Variants in KIF1B observed in about 807,000 individuals in gnomAD.
KIF1B encodes kinesin family member 1B.
A neutral mutation model predicts 241.9 loss-of-function variants in KIF1B; 76 were observed. The observed-to-expected ratio is 0.31, with a 90% CI of 0.26 to 0.38. The LOEUF is 0.38. Ranked by LOEUF, KIF1B falls within the 10% of genes least tolerant of loss-of-function variation. KIF1B has a pLI of 1.00. For missense variants in KIF1B, 1,622 were observed against 2,271.4 expected (o/e 0.71, Z 5.81); for synonymous variants, 750 against 796.7 (o/e 0.94, Z 0.99).
Position 10,323,997 on chromosome 1 carries a change from G to A in KIF1B, c.2472G>A (p.Val824=), listed in dbSNP as rs2102299017. The A allele has an allele frequency of 6.2e-7, 1 of 1,614,160 alleles. No homozygotes were observed. The change falls in exon 25 of 49, where the codon GTG becomes GTA. Residue 824 remains valine (V), a synonymous_variant. Transcript: ENST00000676179. ...THEDRPFPRT[V]VAVEVQDLKN... ...AGGACAGGCCTTTCCCTCGCACAGT[G>A]GTAGCAGTAGAAGTCCAGGATTTGA...
chr1:10,305,564 T>C, intron 22 of KIF1B: 2 of 1,059,546 alleles, frequency 1.9e-6, no homozygotes, highest in Non-Finnish European at 2.3e-6. Context: ...TCTGTGGTGC[T>C]GCTTTTTTCC....
intron 38 of KIF1B, among the ~76,000 whole-genome samples, chr1:10,356,730 T>A (rs943652092): frequency 6.6e-6 from 1 of 151,926 alleles, no homozygotes; most frequent in Non-Finnish European, 1.5e-5. Flanking sequence ...TGAAGCCCCA[T>A]GTCTACTAAA....
chr1:10,219,930 C>T (rs1284382608), intron 1 of KIF1B, among the ~76,000 whole-genome samples: 3 of 149,330 alleles, frequency 2.0e-5, no homozygotes, highest in African/African-American at 4.9e-5. Context: ...TGGATGGGCG[C>T]GGTGGTTCAT....
At chr1:10,308,467 CT>C in intron 22 of KIF1B, 1 of 1,037,826 alleles carries the variant, frequency 9.6e-7, no homozygotes, top group Non-Finnish European at 1.2e-6. Flanking sequence ...CTCTCAATTT[CT>C]TAAACAACAA....
chr1:10,289,760 T>C (rs1368058349), intron 15 of KIF1B, among the ~76,000 whole-genome samples: 1 of 152,122 alleles, frequency 6.6e-6, no homozygotes, highest in Non-Finnish European at 1.5e-5. Context: ...GGTGTGCACC[T>C]GCAGTGCCAG....
intron 38 of KIF1B, chr1:10,355,497 G>A (rs1652944338): frequency 6.6e-6 from 1 of 152,526 alleles, no homozygotes; most frequent in Non-Finnish European, 1.5e-5. Flanking sequence ...CCCTCCCCAT[G>A]TAAACCTACT....
intron 34 of KIF1B, among the ~76,000 whole-genome samples, chr1:10,344,094 TGAGAGAAA>T (rs1210496461): frequency 9.9e-5 from 15 of 152,168 alleles, no homozygotes; most frequent in African/African-American, 3.4e-4. Context: ...CTTCAGACCA[TGAGAGAAA>T]GATTGAGCTG....
chr1:10,332,017 C>T (rs1028867849), intron 27 of KIF1B, among the ~76,000 whole-genome samples: 4 of 152,138 alleles, frequency 2.6e-5, no homozygotes, highest in African/African-American at 9.7e-5. Context: ...GGAGCAAACG[C>T]AAACCTTTTA....
rs535803033 is a variant in KIF1B, at chr1:10,251,867, C to T, written c.107-4380C>T. ...CCATGTTTTTGAGCGGTGAGGACTA[C>T]CTCAGAGGGCATGCCTTGTGTCATC... On this transcript the variant is annotated intron_variant, in intron 2 of 48. Coordinates refer to ENST00000676179, the MANE Select transcript of KIF1B (RefSeq NM_001365951.3). 4.3e-4 allele frequency among the ~76,000 whole-genome samples: 66 copies of T among 152,088 alleles called. 1 individual carries two copies. The highest frequency in any genetic ancestry group is 1.5e-3 in the African/African-American group (62 of 41,492).
intron 4 of KIF1B, among the ~76,000 whole-genome samples, chr1:10,261,654 A>C (rs967430535): frequency 6.6e-6 from 1 of 152,232 alleles, no homozygotes; most frequent in African/African-American, 2.4e-5. Flanking sequence ...ACTAGGTGAC[A>C]GGAATTTTCC....
intron 27 of KIF1B, among the ~76,000 whole-genome samples, chr1:10,333,833 A>G (rs190116365): frequency 6.6e-6 from 1 of 152,050 alleles, no homozygotes; most frequent in African/African-American, 2.4e-5. Context: ...AATGAAACAA[A>G]ACCTCTTTAT....
chr1:10,324,997 G>A lies in KIF1B; in HGVS notation c.2675+102G>A, dbSNP rs546996236. 6.8e-6 allele frequency: 9 copies of A among 1,319,138 alleles called. No homozygotes were observed. The South Asian group carries it at 7.2e-5, about 11-fold the overall frequency. 81.7% of individuals were successfully genotyped at this position (1,319,138 alleles called of 1,614,324 possible). A position where few individuals can be genotyped will look rare whatever the true frequency, so the allele number is the denominator to read the frequency against. ...TAAAAAGTTAAGAGGAAAAAAAAAG[G>A]TGTAAAAAGGCCTTATCTATAATCT... On this transcript the variant is annotated intron_variant, in intron 26 of 48. Coordinates refer to ENST00000676179, the MANE Select transcript of KIF1B (RefSeq NM_001365951.3).
intron 28 of KIF1B, among the ~76,000 whole-genome samples, chr1:10,335,275 C>T (rs1217077609): frequency 2.0e-5 from 3 of 152,078 alleles, no homozygotes; most frequent in South Asian, 2.1e-4. Context: ...TGTTTTGAGA[C>T]GGAGTGTCGC....
rs1329320733 is a variant in KIF1B at position 10,361,821 on chromosome 1, G to C, written c.4300G>C (p.Asp1434His). The C allele has an allele frequency of 1.2e-6, 2 of 1,613,860 alleles. No individual in the cohort carries two copies. Among genetic ancestry groups the C allele is most frequent in the East Asian group, 2.2e-5 (1 of 44,882 alleles). Residue 1434 changes from aspartate to histidine, a missense_variant, in exon 40 of 49, where the codon GAT (aspartate) becomes CAT (histidine). This residue lies in a region of KIF1B where 803 missense variants were observed against 1,112.0 expected (regional missense o/e 0.72). Transcript: ENST00000676179. ...LFGSGYSKSP[D>H]SNRVTGIYEL... ...TGGCAGCGGCTACTCAAAGTCACCA[G>C]ATTCGTAAGTTTTTCACACAAGTTA... is the stretch of plus-strand genomic sequence containing the variant.
intron 22 of KIF1B, among the ~76,000 whole-genome samples, chr1:10,319,103 CTT>C (rs1267312262): frequency 1.8e-4 from 24 of 131,852 alleles, no homozygotes; most frequent in Non-Finnish European, 1.6e-4. Flanking sequence ...TACAATAATC[CTT>C]TTTTTTTTTT....
chr1:10,343,000 T>A (rs1471679397), intron 33 of KIF1B, among the ~76,000 whole-genome samples: 1 of 152,074 alleles, frequency 6.6e-6, no homozygotes. Context: ...TAGAATGTCT[T>A]GAGATAGGCA....
intron 43 of KIF1B, among the ~76,000 whole-genome samples, 196 bp from the exon 44 acceptor site, chr1:10,368,271 C>G (rs1638630802): frequency 6.6e-6 from 1 of 152,030 alleles, no homozygotes. Context: ...TTTAAATTTA[C>G]TGATTTATTA....
At chr1:10,375,107 C>G in intron 47 of KIF1B, 61 bp downstream of exon 47, 1 of 1,566,572 alleles carries the variant, frequency 6.4e-7, no homozygotes, top group Non-Finnish European at 8.8e-7. Flanking sequence ...TTGATTTCTG[C>G]ACTCTCTGTT....
intron 45 of KIF1B, among the ~76,000 whole-genome samples, chr1:10,373,344 C>T (rs1234897798): frequency 1.3e-5 from 2 of 148,662 alleles, no homozygotes; most frequent in Admixed American, 1.4e-4. Context: ...AAGTAATTCT[C>T]GTGCCTCAGC....
Sources: allele counts gnomAD v4.1 joint callset (sites outside exome capture counted in the v4.1 genomes callset), GRCh38; gene constraint gnomAD v4.1.1; regional missense constraint gnomAD v4.1.1; transcripts MANE v1.5; gene names NCBI Gene and HGNC (gene_info 2026-07-23, HGNC 2026-07-21).